Variants in KLC1 observed in about 807,000 individuals in gnomAD.
KLC1 encodes kinesin light chain 1, also known as kinesin 2 60/70kDa.
A neutral mutation model predicts 84.2 loss-of-function variants in KLC1; 30 were observed. That is an observed-to-expected ratio of 0.36 (90% CI 0.27 to 0.48). The LOEUF is 0.48. KLC1 is among the 20% of genes least tolerant of loss of function. The pLI is 0.99. For missense variants in KLC1, 499 were observed against 805.4 expected, an observed-to-expected ratio of 0.62 and a Z score of 4.60; for synonymous variants, 289 against 293.3, an observed-to-expected ratio of 0.99 and a Z score of 0.15.
intron 1 of KLC1, among the ~76,000 whole-genome samples, chr14:103,633,892 G>A (rs1298245440): frequency 1.3e-5 from 2 of 151,720 alleles, no homozygotes; most frequent in East Asian, 3.9e-4. Flanking sequence ...TTTTTGAGAC[G>A]GAGTCTCGCT....
chr14:103,682,722 T>G (rs986850170), intron 13 of KLC1: 1 of 150,702 alleles, frequency 6.6e-6, no homozygotes, highest in Non-Finnish European at 1.5e-5. Context: ...ATACCTGTTA[T>G]CTGTATAATG....
At chr14:103,675,626 T>C (rs771342158) in intron 10 of KLC1, 25 bp downstream of exon 10, 1 of 1,607,428 alleles carries the variant, frequency 6.2e-7, no homozygotes, top group Non-Finnish European at 8.5e-7. Context: ...TTTTGAGATT[T>C]TCTAAATTGT....
rs543508096 is a variant in KLC1, at chr14:103,679,312, A to G, written c.1489-72A>G. On this transcript the variant is annotated intron_variant, in intron 12 of 16. Coordinates refer to ENST00000334553, the MANE Select transcript of KLC1 (RefSeq NM_001394837.1). ...TGTTTTTTTTTTTTTTTTCTAGCGA[A>G]GTATCTCAGAAATACCTAAGAAAAT... 45 of 1,501,708 alleles carry G rather than the reference A, an allele frequency of 3.0e-5. No individual in the cohort carries two copies. The African/African-American group carries it at 4.7e-4, about 16-fold the overall frequency. The allele number at this position is 1,501,708 out of a possible 1,614,324, so 93.0% of individuals were successfully genotyped here. A position where few individuals can be genotyped will look rare whatever the true frequency, so the allele number is the denominator to read the frequency against.
In KLC1 at chr14:103,641,529, A is replaced by G. The variant is rs141461619; in HGVS notation, c.-2+12035A>G. ...CAGACCCTCTTTCTGGTTGCATGCT[A>G]CCGACTTCTAGATGTATTCTCACAT... On this transcript the variant is annotated intron_variant, in intron 1 of 16. Coordinates refer to ENST00000334553, the MANE Select transcript of KLC1 (RefSeq NM_001394837.1). 9.5e-4 allele frequency among the ~76,000 whole-genome samples: 144 copies of G among 152,264 alleles called. 3 individuals are homozygous for G. The East Asian group carries it at 0.02, about 21-fold the overall frequency.
chr14:103,674,238 A>G (rs577931531), intron 9 of KLC1, among the ~76,000 whole-genome samples: 1 of 152,200 alleles, frequency 6.6e-6, no homozygotes, highest in Admixed American at 6.5e-5. Context: ...ATCATCATGT[A>G]TACTGCTTAT....
At chr14:103,664,083 G>A (rs2079538590) in intron 5 of KLC1, among the ~76,000 whole-genome samples, 1 of 152,160 alleles carries the variant, frequency 6.6e-6, no homozygotes, top group Non-Finnish European at 1.5e-5. Flanking sequence ...ATGCAGCAGG[G>A]TTTCGTGGAC....
chr14:103,674,393 C>T (rs1185215986), intron 9 of KLC1, among the ~76,000 whole-genome samples: 7 of 151,294 alleles, frequency 4.6e-5, no homozygotes, highest in East Asian at 3.9e-4. Context: ...TGACTTAAAA[C>T]GAATATTGAT....
chr14:103,663,054 CAG>C (rs1010724648), intron 5 of KLC1, 127 bp downstream of exon 5: 39 of 575,224 alleles, frequency 6.8e-5, no homozygotes, highest in Middle Eastern at 4.6e-4. Flanking sequence ...TCTCTTTAAA[CAG>C]GGGTTAAATT....
At chr14:103,643,614 T>G (rs1270366484) in intron 1 of KLC1, among the ~76,000 whole-genome samples, 2 of 152,136 alleles carry the variant, frequency 1.3e-5, no homozygotes, top group African/African-American at 4.8e-5. Flanking sequence ...GCATGAGACA[T>G]CAATCAGATA....
intron 1 of KLC1, among the ~76,000 whole-genome samples, chr14:103,634,463 G>C (rs2076908449): frequency 1.3e-5 from 2 of 152,168 alleles, no homozygotes; most frequent in Admixed American, 1.3e-4. Context: ...CAGCCAAGTG[G>C]ACTAGTGGGC....
At chr14:103,642,288 C>T (rs2077553645) in intron 1 of KLC1, among the ~76,000 whole-genome samples, 1 of 152,098 alleles carries the variant, frequency 6.6e-6, no homozygotes, top group African/African-American at 2.4e-5. Context: ...ATGGCCTAAT[C>T]ACCTCCCAAA....
At chr14:103,674,414 GTTTTCTT>G (rs935098851) in intron 9 of KLC1, among the ~76,000 whole-genome samples, 9 of 115,260 alleles carry the variant, frequency 7.8e-5, no homozygotes, top group Non-Finnish European at 1.8e-4. Flanking sequence ...TCGTATGCTT[GTTTTCTT>G]TTTTTTTTTT....
chr14:103,687,604 T>A (rs992905722), intron 14 of KLC1: 4 of 153,960 alleles, frequency 2.6e-5, no homozygotes, highest in African/African-American at 9.6e-5. Context: ...TTTTAATCTT[T>A]TAAATAAATC....
chr14:103,667,512 T>G (rs2079970590), intron 5 of KLC1, among the ~76,000 whole-genome samples: 3 of 152,072 alleles, frequency 2.0e-5, no homozygotes, highest in Admixed American at 2.0e-4. Context: ...ATTTTTTGTA[T>G]TTTAGTAGAG....
chr14:103,674,835 G>C (rs888235142), intron 9 of KLC1, among the ~76,000 whole-genome samples: 1 of 152,116 alleles, frequency 6.6e-6, no homozygotes, highest in Non-Finnish European at 1.5e-5. Context: ...TGAGCAGCTG[G>C]CATTTTAGAA....
intron 5 of KLC1, among the ~76,000 whole-genome samples, chr14:103,667,241 A>G (rs1370941595): frequency 6.6e-6 from 1 of 152,088 alleles, no homozygotes; most frequent in Non-Finnish European, 1.5e-5. Context: ...GCTCCCGAGT[A>G]GCTGGGATTA....
intron 13 of KLC1, chr14:103,685,413 G>A: frequency 8.4e-7 from 1 of 1,192,866 alleles, no homozygotes; most frequent in Non-Finnish European, 1.1e-6. Context: ...GATGACCATT[G>A]GGAATGGACC....
At chr14:103,654,113 G>C (rs2078670542) in intron 1 of KLC1, among the ~76,000 whole-genome samples, 1 of 152,128 alleles carries the variant, frequency 6.6e-6, no homozygotes, top group Non-Finnish European at 1.5e-5. Flanking sequence ...CCTGTTCCAT[G>C]TTCTTTGGCT....
chr14:103,698,371 C>A (rs566436220), intron 15 of KLC1: 14 of 249,696 alleles, frequency 5.6e-5, no homozygotes, highest in African/African-American at 3.2e-4. Context: ...GGGAGACCCT[C>A]GTGGGCACGG....
Sources: gnomAD v4.1 joint callset for allele counts (sites outside exome capture counted in the v4.1 genomes callset) on GRCh38, gnomAD v4.1.1 for gene constraint, MANE v1.5 for transcripts, NCBI Gene and HGNC (gene_info 2026-07-23, HGNC 2026-07-21) for gene names.